Variants in USP24 observed in about 807,000 individuals in gnomAD.
USP24 encodes the protein ubiquitin specific peptidase 24.
USP24 carries 97 observed loss-of-function variants against 361.6 expected under a neutral mutation model. The observed-to-expected ratio is 0.27, with a 90% confidence interval of 0.23 to 0.32. The LOEUF is 0.32. USP24 is among the 10% of genes least tolerant of loss of function. The pLI is 1.00. For missense variants in USP24, 2,353 were observed against 3,165.6 expected, an observed-to-expected ratio of 0.74 and a Z score of 6.16; for synonymous variants, 1,098 against 1,124.6, an observed-to-expected ratio of 0.98 and a Z score of 0.47.
chr1:55,206,521 T>C (rs540056212), intron 1 of USP24, among the ~76,000 whole-genome samples: 3 of 152,094 alleles, frequency 2.0e-5, no homozygotes, highest in East Asian at 1.9e-4. Flanking sequence ...TCTGGAGACC[T>C]TGAAAGAAAA....
intron 1 of USP24, among the ~76,000 whole-genome samples, chr1:55,202,158 A>G (rs749552637): frequency 2.0e-5 from 3 of 152,204 alleles, no homozygotes; most frequent in Non-Finnish European, 4.4e-5. Flanking sequence ...TGTATTCATT[A>G]AAATATATAA....
chr1:55,206,065 C>T (rs1644694934), intron 1 of USP24, among the ~76,000 whole-genome samples: 1 of 152,308 alleles, frequency 6.6e-6, no homozygotes, highest in South Asian at 2.1e-4. Context: ...CAGAAAGGTA[C>T]AGTCTCCCAA....
At chr1:55,134,993 T>C (rs944368527) in intron 28 of USP24, among the ~76,000 whole-genome samples, 1 of 152,194 alleles carries the variant, frequency 6.6e-6, no homozygotes, top group Non-Finnish European at 1.5e-5. Flanking sequence ...ACACAACGTA[T>C]TTACAAGTGG....
At position 55,125,520 on chromosome 1, in the gene USP24, T is replaced by G; in HGVS notation, c.3760A>C (p.Thr1254Pro). 1 of 1,613,774 alleles carries G rather than the reference T, an allele frequency of 6.2e-7. No individual in the cohort carries two copies. The highest frequency in any genetic ancestry group is 8.5e-7 in the Non-Finnish European group (1 of 1,179,702). Residue 1254 changes from threonine (T) to proline (P), a missense_variant, in exon 34 of 68, where the codon ACG becomes CCG. Physicochemically the swap from Thr to Pro is conservative, Grantham distance 38. Transcript: ENST00000294383. ...RFLLVGQTMP[T>P]LLDEDLTKDG... ...TTGGTGAGGTCTTCATCTAATAACG[T>G]GGGCATTGTTTGTCCGACAAGTAAA...
At position 55,159,614 on chromosome 1, in the gene USP24, G is replaced by C; in HGVS notation, c.1065C>G (p.Asp355Glu). The C allele has an allele frequency of 6.4e-7, 1 of 1,558,962 alleles. No homozygotes were observed. Among genetic ancestry groups the C allele is most frequent in the Non-Finnish European group, 8.7e-7 (1 of 1,149,688 alleles). Residue 355 changes from aspartate (D) to glutamate (E), a missense_variant, in exon 9 of 68, where the codon GAC (aspartate) becomes GAG (glutamate). Physicochemically the swap from Asp to Glu is conservative, Grantham distance 45. Transcript: ENST00000294383. Reference sequence around the variant, plus strand: ...TCTGGCTGGAGAAGGCATTTACCTTGTCTTTGAGGTCTTTCTCTTCTACAC... The same window carrying C: ...TCTGGCTGGAGAAGGCATTTACCTTCTCTTTGAGGTCTTTCTCTTCTACAC... ...VRSVEEKDLK[D>E]KRLVSIPELL...
intron 28 of USP24, among the ~76,000 whole-genome samples, chr1:55,134,851 G>C (rs1646690293): frequency 6.6e-6 from 1 of 152,180 alleles, no homozygotes; most frequent in Non-Finnish European, 1.5e-5. Flanking sequence ...AATTTAAGTT[G>C]AGACAAAGAA....
At position 55,068,074 on chromosome 1, in the gene USP24, T is replaced by G. The variant is rs1334770212; in HGVS notation, c.*971A>C. The G allele has an allele frequency of 6.6e-6, 1 of 152,202 alleles. No homozygotes were observed. Among genetic ancestry groups the G allele is most frequent in the Non-Finnish European group, 1.5e-5 (1 of 68,034 alleles). The allele number at this position is 152,202 out of a possible 1,614,324, so 9.4% of individuals were successfully genotyped here. ...TGTGTACCAACTCAAATAGTTAACTTCATATACAACCAATACCAAGGGTTT... is the reference window on the plus strand; with the variant it reads ...TGTGTACCAACTCAAATAGTTAACTGCATATACAACCAATACCAAGGGTTT... On this transcript the variant is annotated 3_prime_UTR_variant, in exon 68 of 68. Coordinates refer to ENST00000294383, the MANE Select transcript of USP24 (RefSeq NM_015306.3).
rs1371331009 is a variant in USP24 at position 55,096,564 on chromosome 1, G to T, written c.5995C>A (p.Leu1999Ile). 3.7e-6 allele frequency: 6 copies of T among 1,612,964 alleles called. No homozygotes were observed. Among genetic ancestry groups the T allele is most frequent in the Non-Finnish European group, 5.1e-6 (6 of 1,179,538 alleles). ...TCATACTCCAGGGTCTCGTCATTTAGGTCAAATTCTTCTATAACTGTGTCA... is the reference window on the plus strand; with the variant it reads ...TCATACTCCAGGGTCTCGTCATTTATGTCAAATTCTTCTATAACTGTGTCA... ...FNDTVIEEFDLNDETLEYECF... is the reference protein window; with the variant it reads ...FNDTVIEEFDINDETLEYECF... Residue 1999 changes from leucine (L) to isoleucine (I), a missense_variant, in exon 50 of 68, where the codon CTA becomes ATA. Transcript: ENST00000294383.
At chr1:55,212,774 T>C (rs966679279) in intron 1 of USP24, among the ~76,000 whole-genome samples, 4 of 152,200 alleles carry the variant, frequency 2.6e-5, no homozygotes, top group African/African-American at 9.7e-5. Flanking sequence ...TCTTGAACTC[T>C]TAAAAGTAAA....
intron 53 of USP24, 37 bp downstream of exon 53, chr1:55,092,784 C>T: frequency 7.2e-7 from 1 of 1,395,214 alleles, no homozygotes; most frequent in Non-Finnish European, 9.9e-7. Context: ...TTAATTGTAA[C>T]CCTTTCTTAT....
chr1:55,097,930 G>A lies in USP24; in HGVS notation c.5595+13C>T, dbSNP rs747173343. 4 of 1,580,724 alleles carry A rather than the reference G, an allele frequency of 2.5e-6. No individual in the cohort carries two copies. Among genetic ancestry groups the A allele is most frequent in the Non-Finnish European group, 3.4e-6 (4 of 1,168,518 alleles). On this transcript the variant is annotated intron_variant, in intron 47 of 67. Coordinates refer to ENST00000294383, the MANE Select transcript of USP24 (RefSeq NM_015306.3). ...AAATTAATCTTGTTTTTTAAAAAGGGCAAACATAATACCTTTTCTTTACAC... is the reference window on the plus strand; with the variant it reads ...AAATTAATCTTGTTTTTTAAAAAGGACAAACATAATACCTTTTCTTTACAC...
At chr1:55,128,134 A>G (rs1284750863) in intron 32 of USP24, among the ~76,000 whole-genome samples, 1 of 152,052 alleles carries the variant, frequency 6.6e-6, no homozygotes, top group Admixed American at 6.5e-5. Context: ...ATACTGACTA[A>G]TGACTCACCA....
chr1:55,147,293 TA>T, intron 18 of USP24, among the ~76,000 whole-genome samples: 1 of 152,326 alleles, frequency 6.6e-6, no homozygotes, highest in Admixed American at 6.5e-5. Flanking sequence ...CAATAAAATG[TA>T]ATTTCAGCAA....
rs1455897961 is a variant in USP24 at position 55,129,497 on chromosome 1, G to A, written c.3615C>T (p.Phe1205=). The A allele has an allele frequency of 9.9e-6, 16 of 1,613,722 alleles. No individual in the cohort carries two copies. Among genetic ancestry groups the A allele is most frequent in the Non-Finnish European group, 1.1e-5 (13 of 1,179,826 alleles). The change falls in exon 32 of 68, where the codon TTC becomes TTT. Residue 1205 remains phenylalanine (F), a synonymous_variant. Coordinates refer to ENST00000294383, the MANE Select transcript of USP24 (RefSeq NM_015306.3). ...CTAACCTCAAACCGCCAGCTTTGAG[G>A]AAGTTTTCACAGAAGGATTTGGCAC... The part of the protein sequence containing the change: ...RSCAKSFCEN[F]LKAGGLSLVV...
At position 55,083,273 on chromosome 1, in the gene USP24, T is replaced by A. The variant is rs1389477015; in HGVS notation, c.6974A>T (p.Gln2325Leu). The A allele has an allele frequency of 8.7e-6, 14 of 1,613,526 alleles. No individual in the cohort carries two copies. The South Asian group carries it at 1.5e-4, about 18-fold the overall frequency. The change falls in exon 58 of 68, where the codon CAG (glutamine) becomes CTG (leucine). Residue 2325 changes from glutamine to leucine, a missense_variant and splice_region_variant. Gln to Leu is a moderately radical substitution (Grantham distance 113). Around this residue, in one of 8 missense-constraint regions of USP24, gnomAD observed 598 missense variants for 761.9 expected, o/e 0.78. Transcript: ENST00000294383. ...FLLGASRQNNQIRRWSSAQAR... is the reference protein window; with the variant it reads ...FLLGASRQNNLIRRWSSAQAR... ...TAGGGATATAAAAGTAGTCCTTACCTGATTGTTTTGCCGACTGGCCCCTAG... is the reference window on the plus strand; with the variant it reads ...TAGGGATATAAAAGTAGTCCTTACCAGATTGTTTTGCCGACTGGCCCCTAG...
intron 31 of USP24, 139 bp downstream of exon 31, chr1:55,132,405 TA>T: frequency 9.2e-7 from 1 of 1,085,010 alleles, no homozygotes; most frequent in Non-Finnish European, 1.3e-6. Context: ...TTTCAATTTA[TA>T]ATCTATTTCT....
chr1:55,178,620 G>C (rs998683264), intron 1 of USP24, among the ~76,000 whole-genome samples: 1 of 151,830 alleles, frequency 6.6e-6, no homozygotes. Context: ...AGTGAGCAGA[G>C]AGCTGAGATT....
At chr1:55,079,793 T>TGATTACTCTCACAGAGTACTCACACA in intron 59 of USP24, 134 bp from the exon 60 acceptor site, 2 of 1,051,220 alleles carry the variant, frequency 1.9e-6, no homozygotes, top group Non-Finnish European at 2.6e-6. Flanking sequence ...ACTCACACAC[T>TGATTACTCTCACAGAGTACTCACACA]GAGTACTCAC....
At chr1:55,132,482 G>A in intron 31 of USP24, 63 bp downstream of exon 31, 1 of 1,505,042 alleles carries the variant, frequency 6.6e-7, no homozygotes, top group South Asian at 1.3e-5. Flanking sequence ...ACATCTGAAA[G>A]CATGAATCGA....
Sources: allele counts gnomAD v4.1 joint callset (sites outside exome capture counted in the v4.1 genomes callset), GRCh38; gene constraint gnomAD v4.1.1; regional missense constraint gnomAD v4.1.1; transcripts MANE v1.5; gene names NCBI Gene and HGNC (gene_info 2026-07-23, HGNC 2026-07-21).